The following IKZF5 variants were observed in gnomAD, a reference collection of about 807,000 sequenced individuals.
The protein encoded by IKZF5 is IKAROS family zinc finger 5.
In IKZF5, 4 loss-of-function variants were observed where a neutral mutation model predicts 30.7. That is an observed-to-expected ratio of 0.13 (90% CI 0.06 to 0.30). The LOEUF (loss-of-function observed/expected upper bound fraction) is 0.30, where lower values mean the gene tolerates loss of function less well. Ranked by LOEUF, IKZF5 falls within the 10% of genes least tolerant of loss-of-function variation. The probability of loss-of-function intolerance (pLI) is 1.00; values close to 1 mark genes in which losing one functional copy is unlikely to be tolerated. For missense variants in IKZF5, 348 were observed against 525.5 expected, an observed-to-expected ratio of 0.66 and a Z score of 3.30; for synonymous variants, 148 against 179.6, an observed-to-expected ratio of 0.82 and a Z score of 1.41.
At chr10:122,995,972 T>C (rs1052824712) in intron 4 of IKZF5, 22 bp downstream of exon 4, 2 of 1,609,294 alleles carry the variant, frequency 1.2e-6, no homozygotes, top group African/African-American at 1.3e-5. Context: ...AGAAATGCTT[T>C]TTCCAGCTGT....
rs1236119313 is a variant in IKZF5 at position 123,007,100 on chromosome 10, CT to C, written c.-122del. The C allele has an allele frequency of 1.1e-4, 17 of 152,134 alleles. No homozygotes were observed. Among genetic ancestry groups the C allele is most frequent in the Admixed American group, 1.1e-3 (17 of 15,270 alleles). 9.4% of individuals were successfully genotyped at this position (152,134 alleles called of 1,614,324 possible). Reference sequence around the variant, plus strand: ...TGAAATGTAGAGTAATTGAAATTTACTTCGGAGATACAGCAAGGGACTCCAA... The same window carrying C: ...TGAAATGTAGAGTAATTGAAATTTACTCGGAGATACAGCAAGGGACTCCAA... On this transcript the variant is annotated 5_prime_UTR_variant, in exon 2 of 5. The change abolishes the stop of an existing upstream ORF in the 5' untranslated region. Coordinates refer to ENST00000368886, the MANE Select transcript of IKZF5 (RefSeq NM_001372123.1).
chr10:123,006,699 G>C (rs1034059238), intron 2 of IKZF5, among the ~76,000 whole-genome samples: 2 of 152,084 alleles, frequency 1.3e-5, no homozygotes, highest in Non-Finnish European at 2.9e-5. Context: ...ATAATTTATG[G>C]GTAAGGCAGG....
chr10:123,006,132 C>G (rs1218387836), intron 2 of IKZF5, among the ~76,000 whole-genome samples: 4 of 152,072 alleles, frequency 2.6e-5, no homozygotes, highest in Admixed American at 6.5e-5. Context: ...ATTCAAGGCT[C>G]AAAATCAATG....
At chr10:122,998,039 A>T (rs947049760) in intron 3 of IKZF5, among the ~76,000 whole-genome samples, 2 of 152,194 alleles carry the variant, frequency 1.3e-5, no homozygotes, top group Admixed American at 6.5e-5. Context: ...AGGCTCAAGG[A>T]GGTCACCACT....
chr10:122,996,875 G>A (rs752541297), intron 3 of IKZF5, among the ~76,000 whole-genome samples: 1 of 152,160 alleles, frequency 6.6e-6, no homozygotes, highest in Non-Finnish European at 1.5e-5. Context: ...GAAACTGGCA[G>A]TCAAAGAATC....
intron 3 of IKZF5, chr10:122,998,274 T>TAACCTTCCA (rs1849456878): frequency 2.5e-6 from 1 of 401,258 alleles, no homozygotes; most frequent in African/African-American, 2.0e-5. Flanking sequence ...TTGGAGCCCC[T>TAACCTTCCA]AACCTTCCAA....
Position 122,994,783 on chromosome 10 carries a change from G to C in IKZF5, c.317-60C>G, listed in dbSNP as rs914738569. On this transcript the variant is annotated intron_variant, in intron 4 of 4. Transcript: ENST00000368886. The surrounding 1 kb of genome is among the most constrained non-coding windows in gnomAD (Gnocchi z 5.6). ...GAGTAGTTCATTTATGGAAAGTTTT[G>C]CTTGTCCATTCATTGGACAACTGGA... 2.2e-6 allele frequency: 3 copies of C among 1,377,182 alleles called. No homozygotes were observed. In the Admixed American group the frequency reaches 7.0e-5, roughly 32 times the overall value. The allele number at this position is 1,377,182 out of a possible 1,614,324, so 85.3% of individuals were successfully genotyped here.
Position 122,994,406 on chromosome 10 carries a change from G to A in IKZF5, c.634C>T (p.Leu212Phe), listed in dbSNP as rs1849285703. 6.2e-7 allele frequency: 1 copy of A among 1,613,970 alleles called. No homozygotes were observed. Among genetic ancestry groups the A allele is most frequent in the Non-Finnish European group, 8.5e-7 (1 of 1,180,024 alleles). Reference protein sequence around the residue: ...PSMVVQKPDYLNDFTHEIPNI... With the variant: ...PSMVVQKPDYFNDFTHEIPNI... Reference sequence around the variant, plus strand: ...GGGATTTCGTGGGTAAAATCGTTAAGGTAGTCTGGTTTCTGAACCACCATG... The same window carrying A: ...GGGATTTCGTGGGTAAAATCGTTAAAGTAGTCTGGTTTCTGAACCACCATG... The change falls in exon 5 of 5, where the codon CTT (leucine) becomes TTT (phenylalanine). Residue 212 changes from leucine (L) to phenylalanine (F), a missense_variant. Leu to Phe is a conservative substitution (Grantham distance 22). Around this residue, in one of 4 missense-constraint regions of IKZF5, gnomAD observed 176 missense variants for 198.2 expected, o/e 0.89. Transcript: ENST00000368886. The surrounding 1 kb of genome is among the most constrained non-coding windows in gnomAD (Gnocchi z 5.6).
chr10:122,998,756 G>T, intron 2 of IKZF5, 85 bp from the exon 3 acceptor site: 1 of 644,004 alleles, frequency 1.6e-6, no homozygotes, highest in Non-Finnish European at 2.5e-6. Context: ...ACTATATAAA[G>T]CAAGAGAAAA....
chr10:123,000,278 G>A (rs1191368882), intron 2 of IKZF5, among the ~76,000 whole-genome samples: 3 of 152,214 alleles, frequency 2.0e-5, no homozygotes, highest in African/African-American at 7.2e-5. Context: ...TTCTGACTCT[G>A]TAGATTAGTT....
At chr10:123,008,516 A>C in intron 1 of IKZF5, 178 bp downstream of exon 1, 1 of 184,368 alleles carries the variant, frequency 5.4e-6, no homozygotes, top group Non-Finnish European at 1.2e-5. Context: ...CCCTCCGGCT[A>C]AAGAGGTCCC....
At chr10:122,996,308 C>G (rs570699254) in intron 3 of IKZF5, 132 bp from the exon 4 acceptor site, 2 of 718,810 alleles carry the variant, frequency 2.8e-6, no homozygotes, top group Admixed American at 5.4e-5. Flanking sequence ...CATTTTATAA[C>G]AGACTTTCTG....
intron 4 of IKZF5, among the ~76,000 whole-genome samples, chr10:122,995,338 G>A (rs1849324050): frequency 6.6e-6 from 1 of 152,132 alleles, no homozygotes; most frequent in African/African-American, 2.4e-5. Flanking sequence ...GCCCAATTAT[G>A]TGAAATAAAC....
rs1849160426 is a variant in IKZF5 at position 122,991,495 on chromosome 10, TTTGA to T, written c.*2281_*2284del. 6.6e-6 allele frequency: 1 copy of T among 152,190 alleles called. No individual in the cohort carries two copies. The highest frequency in any genetic ancestry group is 1.5e-5 in the Non-Finnish European group (1 of 68,008). 9.4% of individuals were successfully genotyped at this position (152,190 alleles called of 1,614,324 possible). ...CCCAACAACTCATTTCTATAAAATA[TTTGA>T]TTAAAAATAAAATGAGTGAAACATT... On this transcript the variant is annotated 3_prime_UTR_variant, in exon 5 of 5. Transcript: ENST00000368886.
intron 1 of IKZF5, 69 bp from the exon 2 acceptor site, chr10:123,007,245 G>A (rs192963304): frequency 6.6e-6 from 1 of 152,196 alleles, no homozygotes; most frequent in African/African-American, 2.4e-5. Context: ...AGCATCTACA[G>A]GTTGAATGAG....
At chr10:123,002,082 T>TCACATC (rs1246089200) in intron 2 of IKZF5, among the ~76,000 whole-genome samples, 1 of 152,240 alleles carries the variant, frequency 6.6e-6, no homozygotes, top group African/African-American at 2.4e-5. Context: ...TCTTCTCTCT[T>TCACATC]CACATCTAGT....
intron 2 of IKZF5, among the ~76,000 whole-genome samples, chr10:123,003,005 ATAT>A (rs2133414889): frequency 6.6e-6 from 1 of 151,762 alleles, no homozygotes; most frequent in Non-Finnish European, 1.5e-5. Context: ...GGTTGCATCT[ATAT>A]TAAACACGTA....
chr10:123,003,703 CT>C (rs1269176368), intron 2 of IKZF5, among the ~76,000 whole-genome samples: 2 of 152,228 alleles, frequency 1.3e-5, no homozygotes, highest in East Asian at 1.9e-4. Flanking sequence ...CTCACCACCC[CT>C]GATTCCGTTA....
intron 4 of IKZF5, among the ~76,000 whole-genome samples, chr10:122,995,218 G>A: frequency 6.6e-6 from 1 of 152,166 alleles, no homozygotes; most frequent in Non-Finnish European, 1.5e-5. Flanking sequence ...GGGCTTGCTA[G>A]TCTGAGTTAT....
Sources: gnomAD v4.1 joint callset for allele counts (sites outside exome capture counted in the v4.1 genomes callset) on GRCh38, gnomAD v4.1.1 for gene constraint, gnomAD v4.1.1 regional missense constraint, Gnocchi (gnomAD v3.1) non-coding constraint, MANE v1.5 for transcripts, NCBI Gene and HGNC (gene_info 2026-07-23, HGNC 2026-07-21) for gene names.